VCL: variants seen among roughly 807,000 people sequenced by gnomAD.
VCL encodes epididymis luminal protein 114.
A neutral mutation model predicts 125.7 loss-of-function variants in VCL; 47 were observed. The observed-to-expected ratio is 0.37, with a 90% CI of 0.30 to 0.48. The LOEUF is 0.48. Ranked by LOEUF, VCL falls within the 20% of genes least tolerant of loss-of-function variation. VCL has a pLI of 0.99. For missense variants in VCL, 1,069 were observed against 1,455.5 expected, an observed-to-expected ratio of 0.73 and a Z score of 4.32; for synonymous variants, 458 against 514.6, an observed-to-expected ratio of 0.89 and a Z score of 1.49.
rs774195260 is a variant in VCL at position 73,998,243 on chromosome 10, C to T, written c.36C>T (p.Ile12=). 1.7e-5 allele frequency: 27 copies of T among 1,612,796 alleles called. No individual in the cohort carries two copies. The highest frequency in any genetic ancestry group is 2.2e-5 in the Non-Finnish European group (26 of 1,179,540). ...TTCATACGCGCACGATCGAGAGCATCCTGGAGCCGGTGGCACAGCAGATCT... is the reference window on the plus strand; with the variant it reads ...TTCATACGCGCACGATCGAGAGCATTCTGGAGCCGGTGGCACAGCAGATCT... The part of the protein sequence containing the change: ...PVFHTRTIES[I]LEPVAQQISH... Residue 12 remains isoleucine (I), a synonymous_variant, in exon 1 of 22, where the codon ATC becomes ATT. Coordinates refer to ENST00000211998, the MANE Select transcript of VCL (RefSeq NM_014000.3).
intron 1 of VCL, among the ~76,000 whole-genome samples, chr10:74,001,589 A>G (rs748996241): frequency 1.3e-5 from 2 of 152,342 alleles, no homozygotes; most frequent in East Asian, 1.9e-4. Flanking sequence ...TTGGTTGGTT[A>G]TGAAGAAAAT....
chr10:73,998,411 G>C, intron 1 of VCL, 36 bp downstream of exon 1: 1 of 1,399,332 alleles, frequency 7.1e-7, no homozygotes, highest in East Asian at 3.0e-5. Flanking sequence ...AGCGGGCGCG[G>C]GAGGTATCCC....
At position 74,009,007 on chromosome 10, in the gene VCL, TG is replaced by T. The variant is rs1337728199; in HGVS notation, c.168+10639del. 3.9e-5 allele frequency among the ~76,000 whole-genome samples: 6 copies of T among 152,156 alleles called. No individual in the cohort carries two copies. In the South Asian group the frequency reaches 1.0e-3, roughly 26 times the overall value. On this transcript the variant is annotated intron_variant, in intron 1 of 21. Coordinates refer to ENST00000211998, the MANE Select transcript of VCL (RefSeq NM_014000.3). ...ATGTAAATCCTTAAGAGTTAGCTTT[TG>T]GGGGGGAAAATTCAAGTCTGTAATA...
intron 16 of VCL, 105 bp downstream of exon 16, chr10:74,105,458 CA>C: frequency 7.1e-7 from 1 of 1,412,524 alleles, no homozygotes; most frequent in Non-Finnish European, 9.9e-7. Context: ...AGTCTGGGGG[CA>C]AAAACTATAG....
chr10:74,050,861 AG>A (rs146279725), intron 2 of VCL, among the ~76,000 whole-genome samples: 4,866 of 151,388 alleles, frequency 0.032, 268 homozygotes, highest in African/African-American at 0.11. Context: ...TTTTTGACCT[AG>A]AGCAAGCACT....
chr10:74,032,452 C>A (rs1840895202), intron 1 of VCL, among the ~76,000 whole-genome samples: 1 of 151,822 alleles, frequency 6.6e-6, no homozygotes, highest in Admixed American at 6.6e-5. Flanking sequence ...AATCCCAGCA[C>A]TTTGGGAGGC....
At chr10:74,113,444 T>G (rs994122878) in intron 19 of VCL, among the ~76,000 whole-genome samples, 9 of 152,200 alleles carry the variant, frequency 5.9e-5, no homozygotes, top group Non-Finnish European at 1.0e-4. Context: ...GAGTCTTCAC[T>G]TAGCTGAGGG....
intron 2 of VCL, among the ~76,000 whole-genome samples, chr10:74,058,061 C>T (rs772216021): frequency 9.2e-5 from 14 of 151,954 alleles, no homozygotes; most frequent in Non-Finnish European, 2.1e-4. Flanking sequence ...TCTGAAAGAC[C>T]CTGACAGGAT....
chr10:74,070,652 C>T lies in VCL; in HGVS notation c.240-18C>T. The T allele has an allele frequency of 1.2e-6, 2 of 1,613,874 alleles. No homozygotes were observed. The highest frequency in any genetic ancestry group is 1.7e-6 in the Non-Finnish European group (2 of 1,179,988). ...TGTGTGGTTCTGCCGGTGTGTTAAC[C>T]TGTGTTCTTCCCTATAGGGTTGAGA... On this transcript the variant is annotated intron_variant, in intron 2 of 21. Transcript: ENST00000211998.
intron 6 of VCL, 36 bp downstream of exon 6, chr10:74,074,939 C>T: frequency 1.2e-6 from 2 of 1,613,892 alleles, no homozygotes; most frequent in South Asian, 1.1e-5. Flanking sequence ...GCAAAATCCC[C>T]AACTCTCCCT....
intron 18 of VCL, 133 bp downstream of exon 18, chr10:74,109,289 C>A: frequency 8.9e-7 from 1 of 1,127,006 alleles, no homozygotes; most frequent in Non-Finnish European, 1.3e-6. Flanking sequence ...TTGCCAATAG[C>A]ATATTCCTCT....
intron 6 of VCL, among the ~76,000 whole-genome samples, chr10:74,078,886 A>G (rs55782045): frequency 0.063 from 9,578 of 152,148 alleles, 1,043 homozygotes; most frequent in African/African-American, 0.22. Flanking sequence ...GAGTGGGAAG[A>G]CAGGTGTTGG....
intron 2 of VCL, among the ~76,000 whole-genome samples, chr10:74,060,735 C>T (rs1379061961): frequency 6.6e-6 from 1 of 151,284 alleles, no homozygotes; most frequent in Non-Finnish European, 1.5e-5. Flanking sequence ...ATGGATTTTC[C>T]TCTTCTTTGG....
intron 1 of VCL, among the ~76,000 whole-genome samples, chr10:74,002,577 A>T (rs1840246518): frequency 6.6e-6 from 1 of 151,668 alleles, no homozygotes; most frequent in Non-Finnish European, 1.5e-5. Context: ...GAATATTTAG[A>T]GATGTGGTAA....
At chr10:74,018,807 T>C (rs1840607899) in intron 1 of VCL, among the ~76,000 whole-genome samples, 1 of 152,158 alleles carries the variant, frequency 6.6e-6, no homozygotes, top group Admixed American at 6.6e-5. Flanking sequence ...CCACCCAGTT[T>C]CCCTCCTCAT....
rs568775047 is a variant in VCL at position 74,084,281 on chromosome 10, TTTTA to T, written c.1022+793_1022+796del. 5.3e-5 allele frequency among the ~76,000 whole-genome samples: 8 copies of T among 151,362 alleles called. No individual in the cohort carries two copies. In the South Asian group the frequency reaches 8.4e-4, roughly 16 times the overall value. ...TGGCCTGACTTTATTTAAAACATGT[TTTTA>T]TTTATTTATTTATTTATTTATTTAG... On this transcript the variant is annotated intron_variant, in intron 8 of 21. Coordinates refer to ENST00000211998, the MANE Select transcript of VCL (RefSeq NM_014000.3).
intron 6 of VCL, among the ~76,000 whole-genome samples, chr10:74,080,920 GC>G (rs1839664905): frequency 6.6e-6 from 1 of 152,130 alleles, no homozygotes; most frequent in Non-Finnish European, 1.5e-5. Context: ...AATTTTGAAG[GC>G]AACGTTTTCT....
At chr10:74,055,184 C>T (rs1240600855) in intron 2 of VCL, among the ~76,000 whole-genome samples, 1 of 151,890 alleles carries the variant, frequency 6.6e-6, no homozygotes, top group African/African-American at 2.4e-5. Flanking sequence ...CCTGTAGTCC[C>T]AGCTACTTGG....
intron 5 of VCL, among the ~76,000 whole-genome samples, chr10:74,074,052 AC>A (rs1345693081): frequency 2.0e-5 from 3 of 152,142 alleles, no homozygotes; most frequent in African/African-American, 7.2e-5. Context: ...ACATGGCAAA[AC>A]CCCGTCTCTA....
Sources: allele counts gnomAD v4.1 joint callset (sites outside exome capture counted in the v4.1 genomes callset), GRCh38; gene constraint gnomAD v4.1.1; transcripts MANE v1.5; gene names NCBI Gene and HGNC (gene_info 2026-07-23, HGNC 2026-07-21).